The following LIMCH1 variants were observed in gnomAD, a reference collection of about 807,000 sequenced individuals.
The protein encoded by LIMCH1 is LIM and calponin homology domains-containing protein 1.
A neutral mutation model predicts 176.5 loss-of-function variants in LIMCH1; 113 were observed. That is an observed-to-expected ratio of 0.64 (90% CI 0.55 to 0.75). LIMCH1 has a LOEUF of 0.75. LIMCH1 is among the 30% of genes least tolerant of loss of function. The pLI is 0.00. For synonymous variants in LIMCH1, 619 were observed against 645.9 expected (o/e 0.96, Z 0.63); for missense variants, 1,674 against 1,814.9 (o/e 0.92, Z 1.41).
intron 8 of LIMCH1, among the ~76,000 whole-genome samples, chr4:41,628,843 C>T (rs1490885058): frequency 6.6e-6 from 1 of 152,194 alleles, no homozygotes; most frequent in Admixed American, 6.5e-5. Context: ...GGTATTGACC[C>T]TGTCAATCCA....
intron 1 of LIMCH1, among the ~76,000 whole-genome samples, chr4:41,456,004 C>G (rs1370496063): frequency 6.6e-6 from 1 of 152,106 alleles, no homozygotes; most frequent in Non-Finnish European, 1.5e-5. Context: ...TTATTTAACT[C>G]CTGGATGTGA....
intron 5 of LIMCH1, among the ~76,000 whole-genome samples, chr4:41,614,150 C>T (rs1339385846): frequency 6.6e-6 from 1 of 152,192 alleles, no homozygotes; most frequent in Non-Finnish European, 1.5e-5. Flanking sequence ...TTTTGGCAAT[C>T]TGTTTGATGC....
At chr4:41,481,284 T>C (rs1329274761) in intron 1 of LIMCH1, among the ~76,000 whole-genome samples, 1 of 152,130 alleles carries the variant, frequency 6.6e-6, no homozygotes, top group South Asian at 2.1e-4. Flanking sequence ...AGTGTAGCAG[T>C]GTAACTGCCA....
chr4:41,538,048 C>T, upstream of LIMCH1: 2 of 424,472 alleles, frequency 4.7e-6, no homozygotes, highest in Non-Finnish European at 6.3e-6. Context: ...ATCCTGGCAT[C>T]TCTACTTCTG....
chr4:41,396,873 C>A (rs1191308336), intron 1 of LIMCH1, among the ~76,000 whole-genome samples: 1 of 151,660 alleles, frequency 6.6e-6, no homozygotes, highest in Non-Finnish European at 1.5e-5. Flanking sequence ...GCGCTTCAGC[C>A]TGGGTGACAG....
chr4:41,494,549 G>A (rs1280522785), exon 2 of LIMCH1: 2 of 1,612,718 alleles, frequency 1.2e-6, no homozygotes, highest in Non-Finnish European at 1.7e-6. Flanking sequence ...GTAACTGGCA[G>A]AAGTTTTGGT....
chr4:41,670,215 C>T (rs1009259806), intron 21 of LIMCH1, among the ~76,000 whole-genome samples: 6 of 152,124 alleles, frequency 3.9e-5, no homozygotes, highest in Non-Finnish European at 8.8e-5. Context: ...AAATCCTTGC[C>T]ATGAGCCACC....
intron 1 of LIMCH1, among the ~76,000 whole-genome samples, chr4:41,390,638 C>CT (rs1277678139): frequency 1.3e-5 from 2 of 152,208 alleles, no homozygotes; most frequent in African/African-American, 2.4e-5. Flanking sequence ...GTTGTATCCT[C>CT]TATTTCATTG....
At chr4:41,615,846 T>C (rs147178737) in intron 5 of LIMCH1, among the ~76,000 whole-genome samples, 1 of 152,322 alleles carries the variant, frequency 6.6e-6, no homozygotes, top group African/African-American at 2.4e-5. Context: ...TCTTTCATTT[T>C]ATTATTATCC....
rs555513156 is a variant in LIMCH1, at chr4:41,577,034, G to A, written c.-240-21886G>A. On this transcript the variant is annotated intron_variant, in intron 1 of 31. Coordinates refer to ENST00000503057, the MANE Select transcript of LIMCH1 (RefSeq NM_001330672.2). ...AGGATGTTAAGCCCTCACGTATGGAGGGCCGACTTTTCCTATAGGTGAGCT... is the reference window on the plus strand; with the variant it reads ...AGGATGTTAAGCCCTCACGTATGGAAGGCCGACTTTTCCTATAGGTGAGCT... Among the ~76,000 whole-genome samples the A allele has an allele frequency of 3.3e-5, 5 of 152,230 alleles. No individual in the cohort carries two copies. The South Asian group carries it at 1.0e-3, about 32-fold the overall frequency.
chr4:41,672,486 A>G (rs759000058), intron 22 of LIMCH1, among the ~76,000 whole-genome samples: 1 of 152,228 alleles, frequency 6.6e-6, no homozygotes, highest in Non-Finnish European at 1.5e-5. Context: ...ATACTTGAAC[A>G]TAGTATATTG....
intron 1 of LIMCH1, among the ~76,000 whole-genome samples, chr4:41,592,872 A>G (rs1318111380): frequency 6.6e-6 from 1 of 152,298 alleles, no homozygotes; most frequent in Non-Finnish European, 1.5e-5. Context: ...TTCTAATTTG[A>G]TGTCAGAACT....
At chr4:41,588,479 G>A (rs2086886054) in intron 1 of LIMCH1, among the ~76,000 whole-genome samples, 1 of 152,160 alleles carries the variant, frequency 6.6e-6, no homozygotes, top group Admixed American at 6.5e-5. Flanking sequence ...ATTTGTGGCA[G>A]CTCCAGGCCC....
intron 1 of LIMCH1, among the ~76,000 whole-genome samples, chr4:41,477,746 G>A (rs986892600): frequency 1.3e-5 from 2 of 152,068 alleles, no homozygotes; most frequent in African/African-American, 4.8e-5. Context: ...TAGGGGTGAG[G>A]GGCACTGCGG....
chr4:41,409,696 T>C (rs530770374), intron 1 of LIMCH1, among the ~76,000 whole-genome samples: 1 of 152,314 alleles, frequency 6.6e-6, no homozygotes, highest in East Asian at 1.9e-4. Flanking sequence ...CCCGATACAG[T>C]AACACTGCAC....
At position 41,697,356 on chromosome 4, in the gene LIMCH1, T is replaced by C; in HGVS notation, c.*171T>C. 1.7e-6 allele frequency: 1 copy of C among 593,446 alleles called. No individual in the cohort carries two copies. The highest frequency in any genetic ancestry group is 2.9e-6 in the Non-Finnish European group (1 of 339,236). The allele number at this position is 593,446 out of a possible 1,614,324, so 36.8% of individuals were successfully genotyped here. A position where few individuals can be genotyped will look rare whatever the true frequency, so the allele number is the denominator to read the frequency against. On this transcript the variant is annotated 3_prime_UTR_variant, in exon 32 of 32. Coordinates refer to ENST00000503057, the MANE Select transcript of LIMCH1 (RefSeq NM_001330672.2). ...CGTAGCACAGTGTTTATGTTTTTCC[T>C]GTTTATTGTTTTGGTTTTTTTTTTT...
At chr4:41,443,676 A>C in intron 1 of LIMCH1, among the ~76,000 whole-genome samples, 1 of 152,178 alleles carries the variant, frequency 6.6e-6, no homozygotes, top group East Asian at 1.9e-4. Context: ...TTTTCTGTAA[A>C]CATCAGAAAT....
Position 41,419,592 on chromosome 4 carries a change from T to TTCC in LIMCH1, c.96+58658_96+58660dup, listed in dbSNP as rs1561309405. Among the ~76,000 whole-genome samples, 13 of 90,186 alleles carry TTCC rather than the reference T, an allele frequency of 1.4e-4. 2 individuals carry two copies. Among genetic ancestry groups the TTCC allele is most frequent in the African/African-American group, 1.8e-4 (2 of 11,010 alleles). The allele number at this position is 90,186 out of a possible 152,430, so 59.2% of individuals were successfully genotyped here. ...CTTCCTTCCTTCCTTCCTTCCTTCC[T>TTCC]TCCTTCCTTCCGTCCTTCCTTCCTT... On this transcript the variant is annotated intron_variant, in intron 1 of 26. Coordinates refer to the LIMCH1 transcript ENST00000313860.
At chr4:41,652,039 T>C (rs1427330416) in intron 18 of LIMCH1, among the ~76,000 whole-genome samples, 1 of 152,168 alleles carries the variant, frequency 6.6e-6, no homozygotes, top group Non-Finnish European at 1.5e-5. Flanking sequence ...TGTTCTAATT[T>C]ATAGCATTTG....
Sources: gnomAD v4.1 joint callset for allele counts (sites outside exome capture counted in the v4.1 genomes callset) on GRCh38, gnomAD v4.1.1 for gene constraint, MANE v1.5 for transcripts, NCBI Gene and HGNC (gene_info 2026-07-23, HGNC 2026-07-21) for gene names.